SNCAIP: variants seen among roughly 807,000 people sequenced by gnomAD.
SNCAIP encodes the protein synuclein alpha interacting protein, also known as synphilin-1.
A neutral mutation model predicts 86.7 loss-of-function variants in SNCAIP; 43 were observed. That is an observed-to-expected ratio of 0.50 (90% confidence interval 0.39 to 0.64). The LOEUF (loss-of-function observed/expected upper bound fraction) is 0.64, where lower values mean the gene tolerates loss of function less well. SNCAIP is among the 30% of genes least tolerant of loss of function. SNCAIP has a pLI of 0.00. For missense variants in SNCAIP, 981 were observed against 1,103.1 expected, an observed-to-expected ratio of 0.89 and a Z score of 1.57; for synonymous variants, 417 against 427.2, an observed-to-expected ratio of 0.98 and a Z score of 0.29.
At chr5:122,353,545 T>C (rs1213501457) in intron 1 of SNCAIP, among the ~76,000 whole-genome samples, 1 of 151,838 alleles carries the variant, frequency 6.6e-6, no homozygotes, top group East Asian at 1.9e-4. Flanking sequence ...AATTCCCACA[T>C]GTCATGGGAG....
chr5:122,385,861 A>G (rs1423202474), intron 1 of SNCAIP, among the ~76,000 whole-genome samples: 1 of 152,232 alleles, frequency 6.6e-6, no homozygotes. Flanking sequence ...TTTAATTACC[A>G]GGCCTCATAG....
rs1286113730 is a variant in SNCAIP at position 122,451,343 on chromosome 5, G to A, written c.2496G>A (p.Leu832=). The part of the protein sequence containing the change: ...VVQMEQPSLE[L]NGEKDKDKGR... ...AGATGGAGCAGCCTAGCCTTGAACT[G>A]AATGGAGAAAAAGACAAAGATAAGG... The change falls in exon 10 of 11, where the codon CTG becomes CTA. Residue 832 remains leucine, a synonymous_variant. Coordinates refer to ENST00000261368, the MANE Select transcript of SNCAIP (RefSeq NM_005460.4). 1 of 1,614,168 alleles carries A rather than the reference G, an allele frequency of 6.2e-7. No individual in the cohort carries two copies. The highest frequency in any genetic ancestry group is 8.5e-7 in the Non-Finnish European group (1 of 1,180,024).
chr5:122,333,097 AAGAT>A (rs1451688492), intron 1 of SNCAIP, among the ~76,000 whole-genome samples: 1 of 152,226 alleles, frequency 6.6e-6, no homozygotes, highest in African/African-American at 2.4e-5. Context: ...GGTTAGCACA[AAGAT>A]AGAAGCCATA....
intron 3 of SNCAIP, among the ~76,000 whole-genome samples, chr5:122,417,035 T>C (rs1424974142): frequency 6.6e-6 from 1 of 152,206 alleles, no homozygotes; most frequent in Non-Finnish European, 1.5e-5. Context: ...ATACCGCTTT[T>C]CTTTCTATTC....
At chr5:122,418,951 C>T (rs1242374385) in intron 3 of SNCAIP, among the ~76,000 whole-genome samples, 1 of 152,026 alleles carries the variant, frequency 6.6e-6, no homozygotes, top group Non-Finnish European at 1.5e-5. Flanking sequence ...CAGTGTGGTC[C>T]AGCCAGTTTA....
chr5:122,373,758 T>C (rs1356049496), intron 1 of SNCAIP, among the ~76,000 whole-genome samples: 1 of 152,210 alleles, frequency 6.6e-6, no homozygotes, highest in Non-Finnish European at 1.5e-5. Context: ...TTCTGTGCTT[T>C]ACATCAGCCC....
intron 3 of SNCAIP, among the ~76,000 whole-genome samples, chr5:122,417,283 G>A (rs1426720754): frequency 6.6e-6 from 1 of 152,128 alleles, no homozygotes; most frequent in Non-Finnish European, 1.5e-5. Flanking sequence ...GTGAGGATCT[G>A]GTGAAAGACA....
chr5:122,377,187 C>T (rs966475158), intron 1 of SNCAIP, among the ~76,000 whole-genome samples: 2 of 152,040 alleles, frequency 1.3e-5, no homozygotes, highest in African/African-American at 4.8e-5. Flanking sequence ...TTAGAAATTT[C>T]CTTAGCTGTA....
intron 1 of SNCAIP, among the ~76,000 whole-genome samples, chr5:122,386,990 A>G (rs956716425): frequency 1.5e-4 from 23 of 152,120 alleles, no homozygotes; most frequent in Admixed American, 8.5e-4. Context: ...CATGCAAAAG[A>G]AAGCCCTCGG....
At chr5:122,350,895 G>C (rs953431066) in intron 1 of SNCAIP, among the ~76,000 whole-genome samples, 1 of 152,200 alleles carries the variant, frequency 6.6e-6, no homozygotes, top group Non-Finnish European at 1.5e-5. Flanking sequence ...CTTAGCAGAA[G>C]CCGGAACACC....
intron 2 of SNCAIP, chr5:122,401,114 T>A: frequency 6.5e-7 from 1 of 1,549,764 alleles, no homozygotes; most frequent in Non-Finnish European, 8.7e-7. Flanking sequence ...CTTGCCATTG[T>A]CCTGAGAATG....
chr5:122,455,451 GC>G (rs1784553466), intron 10 of SNCAIP, among the ~76,000 whole-genome samples: 1 of 152,180 alleles, frequency 6.6e-6, no homozygotes, highest in South Asian at 2.1e-4. Context: ...CCAAATCTTG[GC>G]CCCAAAATTT....
chr5:122,401,791 G>A (rs72789032), intron 2 of SNCAIP, among the ~76,000 whole-genome samples: 1,565 of 152,280 alleles, frequency 0.01, 13 homozygotes, highest in Middle Eastern at 0.017. Context: ...CACCAGCCAG[G>A]TGCTGCTCAA....
chr5:122,425,568 G>A, intron 5 of SNCAIP, 37 bp downstream of exon 5: 1 of 1,557,594 alleles, frequency 6.4e-7, no homozygotes, highest in Non-Finnish European at 8.9e-7. Flanking sequence ...ACAGCTAGAA[G>A]CTGGATTTCT....
At chr5:122,360,591 C>A (rs778712237) in intron 1 of SNCAIP, among the ~76,000 whole-genome samples, 5 of 152,150 alleles carry the variant, frequency 3.3e-5, no homozygotes, top group Non-Finnish European at 5.9e-5. Context: ...CCTATGTCTC[C>A]ATTTTTCTGT....
intron 6 of SNCAIP, among the ~76,000 whole-genome samples, chr5:122,435,602 A>G (rs1190049017): frequency 1.3e-5 from 2 of 149,740 alleles, no homozygotes; most frequent in African/African-American, 2.5e-5. Context: ...TACTAACAGC[A>G]CCTTTACCTA....
chr5:122,399,413 C>G (rs1018386799), intron 2 of SNCAIP, among the ~76,000 whole-genome samples: 9 of 152,142 alleles, frequency 5.9e-5, no homozygotes, highest in Non-Finnish European at 1.2e-4. Context: ...GATCTTATGG[C>G]TCCAAATCCA....
rs181227613 is a variant in SNCAIP, at chr5:122,457,183, A to G, written c.2754+5582A>G. 8.8e-4 allele frequency among the ~76,000 whole-genome samples: 134 copies of G among 152,090 alleles called. No individual in the cohort carries two copies. The Middle Eastern group carries it at 0.017, about 19-fold the overall frequency. On this transcript the variant is annotated intron_variant, in intron 10 of 10. Transcript: ENST00000261368. ...CCACCCAGCTAATTTTTGTCTTTTT[A>G]GTAGAGACGAGGTTTCACCCTGTTG...
At chr5:122,428,659 A>G (rs949871374) in intron 5 of SNCAIP, among the ~76,000 whole-genome samples, 4 of 151,812 alleles carry the variant, frequency 2.6e-5, no homozygotes, top group Admixed American at 2.0e-4. Flanking sequence ...TTTGTTACAC[A>G]TGTATACATG....
Sources: allele counts gnomAD v4.1 joint callset (sites outside exome capture counted in the v4.1 genomes callset), GRCh38; gene constraint gnomAD v4.1.1; transcripts MANE v1.5; gene names NCBI Gene and HGNC (gene_info 2026-07-23, HGNC 2026-07-21).